The following PPP6R2 variants were observed in gnomAD, a reference collection of about 807,000 sequenced individuals.
PPP6R2 encodes the protein serine/threonine-protein phosphatase 6 regulatory subunit 2.
In PPP6R2, 62 loss-of-function variants were observed where a neutral mutation model predicts 100.2. The ratio of observed to expected loss-of-function variants is 0.62; its 90% CI spans 0.50 to 0.76. PPP6R2 has a LOEUF of 0.76. Among genes scored for constraint, PPP6R2 ranks in the 30% least tolerant of loss-of-function variants. PPP6R2 has a pLI of 0.00. For synonymous variants in PPP6R2, 525 were observed against 514.7 expected, an observed-to-expected ratio of 1.02 and a Z score of -0.27; for missense variants, 1,142 against 1,276.3, an observed-to-expected ratio of 0.89 and a Z score of 1.60.
At chr22:50,416,594 GTGCTGTGGTTACAGGAGTGAGCCACCA>G (rs2060569964) in intron 6 of PPP6R2, among the ~76,000 whole-genome samples, 1 of 151,920 alleles carries the variant, frequency 6.6e-6, no homozygotes, top group Non-Finnish European at 1.5e-5. Flanking sequence ...GCCTCCTAAA[GTGCTGTGGTTACAGGAGTGAGCCACCA>G]TGCCTGGCCT....
rs578232582 is a variant in PPP6R2 at position 50,359,441 on chromosome 22, T to A, written c.-147-12579T>A. 4.6e-5 allele frequency among the ~76,000 whole-genome samples: 7 copies of A among 152,148 alleles called. No individual in the cohort carries two copies. The South Asian group carries it at 1.5e-3, about 32-fold the overall frequency. On this transcript the variant is annotated intron_variant, in intron 1 of 23. Coordinates refer to ENST00000612753, the MANE Select transcript of PPP6R2 (RefSeq NM_001242898.2). ...GCCGTGTTAGCCAGGATGGTCTCGATCTCCTGACCTTGTGATCTGCCCGCC... is the reference window on the plus strand; with the variant it reads ...GCCGTGTTAGCCAGGATGGTCTCGAACTCCTGACCTTGTGATCTGCCCGCC...
At chr22:50,385,814 CTTTTTTTTTTTTT>C (rs1192671164) in intron 2 of PPP6R2, among the ~76,000 whole-genome samples, 5 of 75,396 alleles carry the variant, frequency 6.6e-5, no homozygotes, top group South Asian at 5.2e-4. Flanking sequence ...CCGCGCCCAG[CTTTTTTTTTTTTT>C]TTTTTTTTTT....
intron 3 of PPP6R2, among the ~76,000 whole-genome samples, chr22:50,405,436 G>A (rs1381420816): frequency 5.7e-3 from 779 of 136,930 alleles, no homozygotes; most frequent in Non-Finnish European, 9.2e-3. Flanking sequence ...GGCCTGGCAG[G>A]CAAGTGTGAA....
Position 50,444,475 on chromosome 22 carries a change from C to A in PPP6R2, c.*228C>A, listed in dbSNP as rs2066599381. 2 of 545,772 alleles carry A rather than the reference C, an allele frequency of 3.7e-6. No individual in the cohort carries two copies. The highest frequency in any genetic ancestry group is 2.4e-5 in the South Asian group (1 of 40,870). 33.8% of individuals were successfully genotyped at this position (545,772 alleles called of 1,614,324 possible). A position where few individuals can be genotyped will look rare whatever the true frequency, so the allele number is the denominator to read the frequency against. On this transcript the variant is annotated 3_prime_UTR_variant, in exon 24 of 24. Coordinates refer to ENST00000612753, the MANE Select transcript of PPP6R2 (RefSeq NM_001242898.2). Reference sequence around the variant, plus strand: ...CCTGCTGGAGGACAGAGGGGCACCTCAGCCGCCCCCAAGCCCAGAGCACAG... The same window carrying A: ...CCTGCTGGAGGACAGAGGGGCACCTAAGCCGCCCCCAAGCCCAGAGCACAG...
chr22:50,336,629 A>C, the PPP6R2 span, among the ~76,000 whole-genome samples: 1 of 151,938 alleles, frequency 6.6e-6, no homozygotes, highest in Non-Finnish European at 1.5e-5. Flanking sequence ...CCTGGCCTCA[A>C]GTGATCCTCT....
Position 50,444,408 on chromosome 22 carries a change from T to TG in PPP6R2, c.*162dup. 1.0e-6 allele frequency: 1 copy of TG among 978,596 alleles called. No individual in the cohort carries two copies. The highest frequency in any genetic ancestry group is 1.5e-6 in the Non-Finnish European group (1 of 668,178). 60.6% of individuals were successfully genotyped at this position (978,596 alleles called of 1,614,324 possible). On this transcript the variant is annotated 3_prime_UTR_variant, in exon 24 of 24. Coordinates refer to ENST00000612753, the MANE Select transcript of PPP6R2 (RefSeq NM_001242898.2). The stretch of plus-strand genomic sequence containing the variant: ...TTGAAACCAGTTGGACGGCCCAGCT[T>TG]GCGTCTCTTCTGCCTGAGTGGGCCT...
At chr22:50,394,538 G>C (rs957808562) in intron 3 of PPP6R2, among the ~76,000 whole-genome samples, 1 of 148,652 alleles carries the variant, frequency 6.7e-6, no homozygotes, top group Non-Finnish European at 1.5e-5. Context: ...GGTTGAGGCT[G>C]CAGTGAGCCA....
intron 1 of PPP6R2, among the ~76,000 whole-genome samples, chr22:50,353,228 T>A (rs745629717): frequency 4.6e-5 from 7 of 152,240 alleles, no homozygotes; most frequent in Non-Finnish European, 1.0e-4. Context: ...TGTCGGCTTT[T>A]GACATGCCTT....
In PPP6R2 at chr22:50,420,512, C is replaced by A. The variant is rs1013941742; in HGVS notation, c.845+1050C>A. Among the ~76,000 whole-genome samples, 7 of 152,212 alleles carry A rather than the reference C, an allele frequency of 4.6e-5. No homozygotes were observed. In the South Asian group the frequency reaches 1.5e-3, roughly 32 times the overall value. ...GGATATAGGTGCTGGAGACCCTTCT[C>A]TGACCCCCAGTAGAAATTTCAGGAA... On this transcript the variant is annotated intron_variant, in intron 8 of 23. Transcript: ENST00000612753.
chr22:50,443,968 C>T lies in PPP6R2; in HGVS notation c.2682C>T (p.Ala894=), dbSNP rs1200326065. The stretch of plus-strand genomic sequence containing the variant: ...CTGTGCCCCCCGAGGCTACTGTGGC[C>T]ATCACCACAGCACTGAGCAAGGCTG... ...AVAVPPEATV[A]ITTALSKAGP... is the part of the protein sequence containing the mutation. Residue 894 remains alanine (A), a synonymous_variant, in exon 23 of 24, where the codon GCC becomes GCT. Transcript: ENST00000612753. 1 of 1,612,084 alleles carries T rather than the reference C, an allele frequency of 6.2e-7. No homozygotes were observed. Among genetic ancestry groups the T allele is most frequent in the Non-Finnish European group, 8.5e-7 (1 of 1,179,650 alleles).
intron 3 of PPP6R2, among the ~76,000 whole-genome samples, chr22:50,397,988 C>G (rs1383545158): frequency 6.6e-6 from 1 of 151,630 alleles, no homozygotes; most frequent in Non-Finnish European, 1.5e-5. Flanking sequence ...GGCCTGTCCT[C>G]ACCAGCCCTG....
intron 9 of PPP6R2, among the ~76,000 whole-genome samples, chr22:50,422,943 A>T (rs571045013): frequency 6.6e-6 from 1 of 152,226 alleles, no homozygotes; most frequent in South Asian, 2.1e-4. Flanking sequence ...TGTCAGCTGG[A>T]GGTTTCAGTG....
chr22:50,423,036 C>T lies in PPP6R2; in HGVS notation c.973-426C>T, dbSNP rs543309569. The stretch of plus-strand genomic sequence containing the variant: ...CGGAGGAGGCATTCCCGTCAGTGTC[C>T]CCAAAGTGTGTTCATGGGACACTTG... On this transcript the variant is annotated intron_variant, in intron 9 of 23. Transcript: ENST00000612753. This position sits in a 1 kb window ranked among gnomAD's most constrained non-coding sequence, Gnocchi z 4.8. Among the ~76,000 whole-genome samples the T allele has an allele frequency of 9.2e-5, 14 of 152,224 alleles. No individual in the cohort carries two copies. The highest frequency in any genetic ancestry group is 3.4e-4 in the African/African-American group (14 of 41,518).
intron 1 of PPP6R2, among the ~76,000 whole-genome samples, chr22:50,353,786 A>G (rs185832651): frequency 6.7e-6 from 1 of 150,292 alleles, no homozygotes; most frequent in East Asian, 1.9e-4. Context: ...CAAGATTTGT[A>G]CCCCAGGTAG....
intron 2 of PPP6R2, among the ~76,000 whole-genome samples, chr22:50,386,567 A>G (rs1206267984): frequency 6.6e-6 from 1 of 152,222 alleles, no homozygotes; most frequent in Admixed American, 6.5e-5. Flanking sequence ...CCCAAAGAAC[A>G]GTGGCTTGAG....
chr22:50,399,095 G>A (rs1228648287), intron 3 of PPP6R2, among the ~76,000 whole-genome samples: 1 of 151,884 alleles, frequency 6.6e-6, no homozygotes, highest in Non-Finnish European at 1.5e-5. Flanking sequence ...AAAATACAAA[G>A]AATTAGCCAG....
chr22:50,375,041 A>G (rs2051173978), intron 2 of PPP6R2, among the ~76,000 whole-genome samples: 1 of 152,194 alleles, frequency 6.6e-6, no homozygotes, highest in East Asian at 1.9e-4. Flanking sequence ...AAAATGGAAC[A>G]TTAGCTAGGT....
intron 3 of PPP6R2, among the ~76,000 whole-genome samples, chr22:50,397,434 A>G (rs1410638827): frequency 1.3e-5 from 2 of 152,174 alleles, no homozygotes; most frequent in African/African-American, 2.4e-5. Flanking sequence ...TTGGTGAACA[A>G]AGAAGAAATG....
chr22:50,365,815 A>C (rs1045473743), intron 1 of PPP6R2, among the ~76,000 whole-genome samples: 63 of 151,690 alleles, frequency 4.2e-4, no homozygotes, highest in Non-Finnish European at 3.7e-4. Context: ...CTGCAACCTC[A>C]AACTCCAGGC....
Sources: allele counts gnomAD v4.1 joint callset (sites outside exome capture counted in the v4.1 genomes callset), GRCh38; gene constraint gnomAD v4.1.1; non-coding constraint Gnocchi (gnomAD v3.1); transcripts MANE v1.5; gene names NCBI Gene and HGNC (gene_info 2026-07-23, HGNC 2026-07-21).